The following RIN3 variants were observed in gnomAD, a reference collection of about 807,000 sequenced individuals.
RIN3 encodes the protein RAB5 interacting protein 3.
A neutral mutation model predicts 76.3 loss-of-function variants in RIN3; 54 were observed. The ratio of observed to expected loss-of-function variants is 0.71; its 90% CI spans 0.57 to 0.89. The LOEUF is 0.89. Among genes scored for constraint, RIN3 ranks in the 40% least tolerant of loss-of-function variants. The pLI is 0.00. For synonymous variants in RIN3, 576 were observed against 564.0 expected (o/e 1.02, Z -0.30); for missense variants, 1,256 against 1,322.1 (o/e 0.95, Z 0.78).
At chr14:92,618,864 T>G (rs965465076) in intron 4 of RIN3, among the ~76,000 whole-genome samples, 2 of 152,224 alleles carry the variant, frequency 1.3e-5, no homozygotes, top group Non-Finnish European at 2.9e-5. Flanking sequence ...AATAAAAGCT[T>G]TAAGGACTCA....
chr14:92,533,563 C>T (rs1366999325), intron 1 of RIN3, among the ~76,000 whole-genome samples: 4 of 152,104 alleles, frequency 2.6e-5, no homozygotes, highest in African/African-American at 4.8e-5. Context: ...TAATGGCATT[C>T]GCAGCAACCT....
chr14:92,665,440 G>A (rs920374723), intron 7 of RIN3, among the ~76,000 whole-genome samples: 11 of 133,956 alleles, frequency 8.2e-5, no homozygotes, highest in East Asian at 2.3e-4. Flanking sequence ...GTGCAGTGGC[G>A]CAATCTCGGC....
intron 2 of RIN3, among the ~76,000 whole-genome samples, chr14:92,567,468 T>C (rs1251685480): frequency 6.6e-6 from 1 of 152,158 alleles, no homozygotes; most frequent in Admixed American, 6.6e-5. Context: ...GCCTCACTCA[T>C]GTGTCTTGTG....
intron 2 of RIN3, among the ~76,000 whole-genome samples, chr14:92,558,921 CA>C (rs1269546462): frequency 1.5e-5 from 2 of 130,156 alleles, no homozygotes; most frequent in Admixed American, 1.7e-4. Context: ...CAGAGTCTTG[CA>C]GTGGCGCAAT....
intron 5 of RIN3, 71 bp from the exon 6 acceptor site, chr14:92,651,511 G>GA: frequency 2.4e-6 from 1 of 420,706 alleles, no homozygotes; most frequent in Non-Finnish European, 4.5e-6. Context: ...CCCGCCCACA[G>GA]ACCCCGCCCA....
chr14:92,628,597 C>T (rs538921004), intron 4 of RIN3, among the ~76,000 whole-genome samples: 3 of 152,224 alleles, frequency 2.0e-5, no homozygotes, highest in South Asian at 4.1e-4. Flanking sequence ...TTGATAAGGC[C>T]ACGCTTTCCC....
intron 2 of RIN3, among the ~76,000 whole-genome samples, chr14:92,570,025 C>T (rs986609567): frequency 1.3e-5 from 2 of 152,360 alleles, no homozygotes; most frequent in South Asian, 4.1e-4. Context: ...CCTTCCTGTG[C>T]CATCCCTGAT....
intron 1 of RIN3, among the ~76,000 whole-genome samples, chr14:92,546,599 C>T (rs373716980): frequency 6.6e-6 from 1 of 152,158 alleles, no homozygotes; most frequent in Non-Finnish European, 1.5e-5. Context: ...AACATGTAAA[C>T]GCGGGTGTTC....
At chr14:92,630,709 T>C (rs1886544318) in intron 4 of RIN3, among the ~76,000 whole-genome samples, 1 of 152,132 alleles carries the variant, frequency 6.6e-6, no homozygotes, top group African/African-American at 2.4e-5. Flanking sequence ...AGGGTACCCT[T>C]AAGGAGGCCA....
In RIN3 at chr14:92,685,192, C is replaced by T; in HGVS notation, c.2631+42C>T. 4 of 1,538,690 alleles carry T rather than the reference C, an allele frequency of 2.6e-6. No homozygotes were observed. Among genetic ancestry groups the T allele is most frequent in the Non-Finnish European group, 2.6e-6 (3 of 1,134,830 alleles). ...GGAGGGGCCCGGTGGGGCCATGTCC[C>T]AGACACCATCCCTGCTGCCTGCTGG... is the stretch of plus-strand genomic sequence containing the variant. On this transcript the variant is annotated intron_variant, in intron 9 of 9. Transcript: ENST00000216487. The surrounding 1 kb of genome is among the most constrained non-coding windows in gnomAD (Gnocchi z 4.7).
chr14:92,538,497 G>A (rs1897061007), intron 1 of RIN3, among the ~76,000 whole-genome samples: 1 of 152,210 alleles, frequency 6.6e-6, no homozygotes, highest in South Asian at 2.1e-4. Context: ...CAAAGCTTGA[G>A]TTTGGGGGAG....
chr14:92,658,820 C>T (rs547568761), intron 6 of RIN3, among the ~76,000 whole-genome samples: 7 of 152,320 alleles, frequency 4.6e-5, no homozygotes, highest in African/African-American at 1.7e-4. Context: ...CCAGGTTGTA[C>T]ACTGTACAAC....
At chr14:92,672,517 A>G (rs1888318097) in intron 7 of RIN3, among the ~76,000 whole-genome samples, 1 of 152,242 alleles carries the variant, frequency 6.6e-6, no homozygotes, top group African/African-American at 2.4e-5. Flanking sequence ...CAGGCAAGGA[A>G]CACAAGACCT....
Position 92,651,860 on chromosome 14 carries a change from C to A in RIN3, c.811C>A (p.Pro271Thr), listed in dbSNP as rs752849900. 3 of 1,609,476 alleles carry A rather than the reference C, an allele frequency of 1.9e-6. No homozygotes were observed. Among genetic ancestry groups the A allele is most frequent in the Non-Finnish European group, 2.5e-6 (3 of 1,177,260 alleles). The change falls in exon 6 of 10, where the codon CCC becomes ACC. Residue 271 changes from proline to threonine, a missense_variant. Coordinates refer to ENST00000216487, the MANE Select transcript of RIN3 (RefSeq NM_024832.5). ...GCCGCCCACCTCTGATGCCACCTCA[C>A]CCACCTCCAGGTGGGCCCCACGCCG... ...PLPPTSDATS[P>T]TSRWAPRRPP...
chr14:92,688,511 G>T lies in RIN3; in HGVS notation c.*259G>T. On this transcript the variant is annotated 3_prime_UTR_variant, in exon 10 of 10. Transcript: ENST00000216487. Reference sequence around the variant, plus strand: ...GAAAGGGAAACTGAGGCTCAGGAGAGAGGCGCTCCAGGCCGCTGCAGCCAA... The same window carrying T: ...GAAAGGGAAACTGAGGCTCAGGAGATAGGCGCTCCAGGCCGCTGCAGCCAA... 1 of 530,840 alleles carries T rather than the reference G, an allele frequency of 1.9e-6. No individual in the cohort carries two copies. The highest frequency in any genetic ancestry group is 3.3e-6 in the Non-Finnish European group (1 of 300,410). The allele number at this position is 530,840 out of a possible 1,614,324, so 32.9% of individuals were successfully genotyped here. A position where few individuals can be genotyped will look rare whatever the true frequency, so the allele number is the denominator to read the frequency against.
intron 5 of RIN3, chr14:92,644,762 G>A (rs76630934): frequency 0.024 from 3,586 of 152,344 alleles, 64 homozygotes; most frequent in Non-Finnish European, 0.038. Flanking sequence ...GACCCAGGGC[G>A]CAAGGAGCAC....
Position 92,573,620 on chromosome 14 carries a change from C to A in RIN3, c.250-3740C>A, listed in dbSNP as rs986601210. On this transcript the variant is annotated intron_variant, in intron 2 of 9. Transcript: ENST00000216487. Reference sequence around the variant, plus strand: ...AACTCAGGTAAGATCAAAAGGGGCTCATTATGAATAATAAAAGACACTCTC... The same window carrying A: ...AACTCAGGTAAGATCAAAAGGGGCTAATTATGAATAATAAAAGACACTCTC... Among the ~76,000 whole-genome samples the A allele has an allele frequency of 2.0e-5, 3 of 152,166 alleles. No homozygotes were observed. The East Asian group carries it at 5.8e-4, about 29-fold the overall frequency.
rs35034984 is a variant in RIN3, at chr14:92,648,090, C to CTTTT, written c.533-3479_533-3476dup. On this transcript the variant is annotated intron_variant, in intron 5 of 9. Transcript: ENST00000216487. The surrounding 1 kb of genome is among the most constrained non-coding windows in gnomAD (Gnocchi z 4.1). The stretch of plus-strand genomic sequence containing the variant: ...GCTGCAGAGAAAGTTACTCATTTCC[C>CTTTT]TTTTTTTTTTTTTTTTGGAGCATAA... Among the ~76,000 whole-genome samples, 20 of 138,830 alleles carry CTTTT rather than the reference C, an allele frequency of 1.4e-4. No homozygotes were observed. The East Asian group carries it at 2.1e-3, about 15-fold the overall frequency. 91.1% of individuals were successfully genotyped at this position (138,830 alleles called of 152,430 possible). A position where few individuals can be genotyped will look rare whatever the true frequency, so the allele number is the denominator to read the frequency against.
rs547304834 is a variant in RIN3 at position 92,629,777 on chromosome 14, G to A, written c.441-11461G>A. ...TTGTTATCCCCATTCTACAGATGAGGAAACGGAGACTGAGAGAAGTCACTT... is the reference window on the plus strand; with the variant it reads ...TTGTTATCCCCATTCTACAGATGAGAAAACGGAGACTGAGAGAAGTCACTT... On this transcript the variant is annotated intron_variant, in intron 4 of 9. Transcript: ENST00000216487. 2.6e-4 allele frequency among the ~76,000 whole-genome samples: 39 copies of A among 152,356 alleles called. No individual in the cohort carries two copies. The South Asian group carries it at 7.7e-3, about 30-fold the overall frequency.
Sources: allele counts gnomAD v4.1 joint callset (sites outside exome capture counted in the v4.1 genomes callset), GRCh38; gene constraint gnomAD v4.1.1; non-coding constraint Gnocchi (gnomAD v3.1); transcripts MANE v1.5; gene names NCBI Gene and HGNC (gene_info 2026-07-23, HGNC 2026-07-21).